The following FLVCR2 variants were observed in gnomAD, a reference collection of about 807,000 sequenced individuals.
The protein encoded by FLVCR2 is choline/ethanolamine transporter FLVCR2.
Under a neutral mutation model 48.9 loss-of-function variants are expected in FLVCR2, and 38 were observed. The ratio of observed to expected loss-of-function variants is 0.78; its 90% CI spans 0.60 to 1.02. The LOEUF is 1.02. Among genes scored for constraint, FLVCR2 ranks in the 50% least tolerant of loss-of-function variants. The pLI, the probability that FLVCR2 is intolerant of heterozygous loss-of-function variation, is 0.00. For synonymous variants in FLVCR2, 255 were observed against 257.0 expected (o/e 0.99, Z 0.07); for missense variants, 664 against 663.3 (o/e 1.00, Z -0.01).
chr14:75,645,032 T>TGG (rs199671974), intron 9 of FLVCR2, among the ~76,000 whole-genome samples: 2,048 of 36,650 alleles, frequency 0.056, 85 homozygotes, highest in African/African-American at 0.13. Flanking sequence ...GAGGCGGGCG[T>TGG]GGTGTGTGTG....
At chr14:75,625,520 A>T (rs1020317344) in intron 3 of FLVCR2, among the ~76,000 whole-genome samples, 1 of 151,966 alleles carries the variant, frequency 6.6e-6, no homozygotes, top group Non-Finnish European at 1.5e-5. Flanking sequence ...ATGCCAGTCT[A>T]TTAGTTAGTA....
intron 5 of FLVCR2, among the ~76,000 whole-genome samples, chr14:75,636,888 T>G (rs965814529): frequency 6.6e-6 from 1 of 152,198 alleles, no homozygotes; most frequent in Non-Finnish European, 1.5e-5. Flanking sequence ...GAAGCTATGG[T>G]TAAAGCTTCA....
At chr14:75,645,090 G>A (rs926777807) in intron 9 of FLVCR2, among the ~76,000 whole-genome samples, 5 of 150,826 alleles carry the variant, frequency 3.3e-5, no homozygotes, top group Non-Finnish European at 5.9e-5. Context: ...GAGAGAGAGG[G>A]GAGACTAAGT....
Position 75,641,832 on chromosome 14 carries a change from A to T in FLVCR2, c.1454-11A>T, listed in dbSNP as rs375559320. 1 of 1,612,654 alleles carries T rather than the reference A, an allele frequency of 6.2e-7. No individual in the cohort carries two copies. ...TTTTGTCTCTCTTCCTTCTCAATCT[A>T]TCAACCTTAGCATTCATTAAGGCAG... On this transcript the variant is annotated splice_polypyrimidine_tract_variant and intron_variant, in intron 8 of 9. Coordinates refer to ENST00000238667, the MANE Select transcript of FLVCR2 (RefSeq NM_017791.3).
At chr14:75,603,915 T>C (rs1889226404) in intron 1 of FLVCR2, among the ~76,000 whole-genome samples, 1 of 152,230 alleles carries the variant, frequency 6.6e-6, no homozygotes. Flanking sequence ...CTGACACATC[T>C]GTCCTGTGTC....
intron 9 of FLVCR2, 53 bp from the exon 10 acceptor site, chr14:75,646,348 G>T: frequency 7.7e-7 from 1 of 1,290,802 alleles, no homozygotes; most frequent in Non-Finnish European, 1.1e-6. Context: ...CTCCAGCCAG[G>T]GTGGAGTGCT....
chr14:75,601,060 G>A (rs887477071), intron 1 of FLVCR2, among the ~76,000 whole-genome samples: 1 of 152,212 alleles, frequency 6.6e-6, no homozygotes, highest in African/African-American at 2.4e-5. Context: ...ATTCAGAGCC[G>A]AGAACCCCCA....
chr14:75,617,296 A>ACATAGACAT (rs1427649717), intron 1 of FLVCR2, among the ~76,000 whole-genome samples: 2 of 152,178 alleles, frequency 1.3e-5, no homozygotes, highest in African/African-American at 4.8e-5. Context: ...CCCTCAGACG[A>ACATAGACAT]CATAGACATG....
intron 1 of FLVCR2, chr14:75,605,513 A>C: frequency 6.5e-7 from 1 of 1,532,170 alleles, no homozygotes; most frequent in Non-Finnish European, 8.7e-7. Flanking sequence ...CATGCTGTGC[A>C]AAAACTTGAG....
At chr14:75,594,297 T>A (rs1337725701) in intron 1 of FLVCR2, among the ~76,000 whole-genome samples, 3 of 152,268 alleles carry the variant, frequency 2.0e-5, no homozygotes, top group Non-Finnish European at 4.4e-5. Context: ...TTTTTTCATC[T>A]GAGCCCTCTC....
chr14:75,593,585 A>G (rs1345483234), intron 1 of FLVCR2, among the ~76,000 whole-genome samples: 1 of 152,004 alleles, frequency 6.6e-6, no homozygotes, highest in Non-Finnish European at 1.5e-5. Context: ...CTGGTGGAGG[A>G]TCCTCCCCCA....
chr14:75,641,149 C>G, intron 7 of FLVCR2, 33 bp from the exon 8 acceptor site: 1 of 1,560,534 alleles, frequency 6.4e-7, no homozygotes, highest in Non-Finnish European at 8.8e-7. Flanking sequence ...GTTGACTGGG[C>G]CCTTGTTTCC....
intron 1 of FLVCR2, among the ~76,000 whole-genome samples, chr14:75,593,689 C>T (rs192449630): frequency 1.3e-5 from 2 of 152,244 alleles, no homozygotes; most frequent in Non-Finnish European, 2.9e-5. Context: ...AAACTCAGAT[C>T]ATATCCGAAC....
chr14:75,639,715 G>T (rs1890261858), intron 6 of FLVCR2, among the ~76,000 whole-genome samples: 1 of 152,122 alleles, frequency 6.6e-6, no homozygotes, highest in Admixed American at 6.5e-5. Context: ...CCTGTTCAGA[G>T]TCTTTTTCAG....
At chr14:75,597,757 A>C (rs1192792852) in intron 1 of FLVCR2, among the ~76,000 whole-genome samples, 1 of 152,004 alleles carries the variant, frequency 6.6e-6, no homozygotes, top group African/African-American at 2.4e-5. Context: ...TTTAGTAGAG[A>C]TAGGGTTTCA....
rs1026041644 is a variant in FLVCR2 at position 75,580,217 on chromosome 14, ACT to A, written c.669+579_669+580del. ...TCCAGCAGGATGGAGTAGAAATCTC[ACT>A]CTGAGTTTCCATGGCCTAGAAAGGG... On this transcript the variant is annotated intron_variant, in intron 1 of 9. Coordinates refer to ENST00000238667, the MANE Select transcript of FLVCR2 (RefSeq NM_017791.3). 3.3e-5 allele frequency among the ~76,000 whole-genome samples: 5 copies of A among 152,214 alleles called. No individual in the cohort carries two copies. The South Asian group carries it at 6.2e-4, about 19-fold the overall frequency.
chr14:75,631,420 A>G (rs1171722501), intron 3 of FLVCR2, among the ~76,000 whole-genome samples: 1 of 152,158 alleles, frequency 6.6e-6, no homozygotes, highest in African/African-American at 2.4e-5. Context: ...TCACTAAACC[A>G]TTGAGCCCCA....
At chr14:75,582,152 T>C (rs1297470647) in intron 1 of FLVCR2, among the ~76,000 whole-genome samples, 1 of 152,160 alleles carries the variant, frequency 6.6e-6, no homozygotes, top group East Asian at 1.9e-4. Context: ...TCTGATGCCT[T>C]TTGATGGCCC....
chr14:75,583,301 T>G (rs184453428), intron 1 of FLVCR2, among the ~76,000 whole-genome samples: 110 of 152,160 alleles, frequency 7.2e-4, no homozygotes, highest in African/African-American at 2.6e-3. Flanking sequence ...GCTTGTCCGG[T>G]TTTTGGACAG....
Sources: allele counts gnomAD v4.1 joint callset (sites outside exome capture counted in the v4.1 genomes callset), GRCh38; gene constraint gnomAD v4.1.1; transcripts MANE v1.5; gene names NCBI Gene and HGNC (gene_info 2026-07-23, HGNC 2026-07-21).